Variants in NRG1 observed in about 807,000 individuals in gnomAD.
The protein encoded by NRG1 is pro-neuregulin-1, membrane-bound isoform.
NRG1 carries 18 observed loss-of-function variants against 63.8 expected under a neutral mutation model. The ratio of observed to expected loss-of-function variants is 0.28; its 90% CI spans 0.19 to 0.42. NRG1 has a LOEUF of 0.42. Among genes scored for constraint, NRG1 ranks in the 10% least tolerant of loss-of-function variants. NRG1 has a pLI of 1.00. For missense variants in NRG1, 762 were observed against 814.7 expected (o/e 0.94, Z 0.79); for synonymous variants, 302 against 301.3 (o/e 1.00, Z -0.02).
At chr8:32,540,861 C>A (rs756290271) in intron 1 of NRG1, among the ~76,000 whole-genome samples, 1 of 151,962 alleles carries the variant, frequency 6.6e-6, no homozygotes, top group Non-Finnish European at 1.5e-5. Flanking sequence ...GCAGGAAAAA[C>A]AACATTTTCC....
chr8:31,669,133 G>A lies in NRG1; in HGVS notation c.37+29702G>A, dbSNP rs546261232. 1.1e-4 allele frequency among the ~76,000 whole-genome samples: 17 copies of A among 152,144 alleles called. No individual in the cohort carries two copies. The South Asian group carries it at 1.5e-3, about 13-fold the overall frequency. On this transcript the variant is annotated intron_variant, in intron 1 of 10. Coordinates refer to the NRG1 transcript ENST00000519301. ...TGTAGTGGTGCGGTCATGGCTCACT[G>A]CAGACTTGACCTTCTGGGCACAAGC... is the stretch of plus-strand genomic sequence containing the variant.
At chr8:32,096,064 C>T (rs1054697751) in intron 1 of NRG1, among the ~76,000 whole-genome samples, 2 of 152,230 alleles carry the variant, frequency 1.3e-5, no homozygotes, top group Admixed American at 6.5e-5. Context: ...AGCACAAATG[C>T]TCAGGTGTGA....
chr8:32,726,751 AAAGT>A (rs1822295404), intron 5 of NRG1, among the ~76,000 whole-genome samples: 1 of 151,992 alleles, frequency 6.6e-6, no homozygotes, highest in Non-Finnish European at 1.5e-5. Context: ...AGAAAATGGA[AAAGT>A]AATACATGGC....
intron 1 of NRG1, among the ~76,000 whole-genome samples, chr8:32,125,933 G>A (rs1834017717): frequency 1.3e-5 from 2 of 151,956 alleles, no homozygotes; most frequent in South Asian, 4.1e-4. Context: ...CAGTTTGCAT[G>A]TGGAGTTCAC....
intron 1 of NRG1, among the ~76,000 whole-genome samples, chr8:32,250,487 A>G (rs1848989265): frequency 6.6e-6 from 1 of 152,166 alleles, no homozygotes; most frequent in Non-Finnish European, 1.5e-5. Context: ...TGATTTTCAT[A>G]ACACAAAACT....
At chr8:31,947,306 C>CAAAAAAAAAAAAAAAAAAAA (rs61713691) in intron 1 of NRG1, among the ~76,000 whole-genome samples, 2 of 132,672 alleles carry the variant, frequency 1.5e-5, no homozygotes, top group African/African-American at 6.4e-5. Context: ...GACTCCGTCT[C>CAAAAAAAAAAAAAAAAAAAA]AAAAAAAAAA....
intron 1 of NRG1, among the ~76,000 whole-genome samples, chr8:32,178,151 C>G (rs1841007442): frequency 6.6e-6 from 1 of 151,894 alleles, no homozygotes; most frequent in African/African-American, 2.4e-5. Flanking sequence ...TCAGCAGGGT[C>G]AAAATAAATT....
chr8:32,075,145 G>C (rs1049805683), intron 1 of NRG1, among the ~76,000 whole-genome samples: 6 of 152,236 alleles, frequency 3.9e-5, no homozygotes, highest in African/African-American at 1.4e-4. Context: ...GTAAATGTTA[G>C]TCCTTGAATG....
chr8:32,424,831 G>T (rs902385998), intron 1 of NRG1, among the ~76,000 whole-genome samples: 1 of 152,150 alleles, frequency 6.6e-6, no homozygotes, highest in Admixed American at 6.5e-5. Context: ...CTGCACTCCA[G>T]CCTGGGTGAG....
chr8:31,947,306 C>CAAAAAA (rs61713691), intron 1 of NRG1, among the ~76,000 whole-genome samples: 12 of 132,672 alleles, frequency 9.0e-5, no homozygotes, highest in African/African-American at 3.5e-4. Flanking sequence ...GACTCCGTCT[C>CAAAAAA]AAAAAAAAAA....
At chr8:32,561,088 C>T (rs1297672348) in intron 1 of NRG1, among the ~76,000 whole-genome samples, 1 of 152,072 alleles carries the variant, frequency 6.6e-6, no homozygotes, top group Admixed American at 6.5e-5. Context: ...TGAGGAAAAC[C>T]ACAAGGTACA....
At chr8:32,453,112 C>T (rs1160471097) in intron 1 of NRG1, among the ~76,000 whole-genome samples, 1 of 152,152 alleles carries the variant, frequency 6.6e-6, no homozygotes, top group Admixed American at 6.6e-5. Flanking sequence ...GAACCTGTAA[C>T]TCATTTAAAT....
At chr8:32,162,524 A>C (rs1838949659) in intron 1 of NRG1, among the ~76,000 whole-genome samples, 1 of 152,140 alleles carries the variant, frequency 6.6e-6, no homozygotes, top group Non-Finnish European at 1.5e-5. Context: ...CTAAGAACAA[A>C]ATTACTCCAT....
intron 1 of NRG1, among the ~76,000 whole-genome samples, chr8:32,212,415 C>T (rs1844791198): frequency 1.3e-5 from 2 of 152,046 alleles, no homozygotes; most frequent in African/African-American, 2.4e-5. Context: ...CTGTGCTATT[C>T]AGTGTGATAG....
chr8:31,896,881 G>A (rs1011626665), intron 1 of NRG1, among the ~76,000 whole-genome samples: 2 of 152,000 alleles, frequency 1.3e-5, no homozygotes, highest in Non-Finnish European at 2.9e-5. Context: ...TGTCTTCTTT[G>A]CTTAACTGTC....
chr8:32,505,496 C>A (rs2129497987), intron 1 of NRG1, among the ~76,000 whole-genome samples: 1 of 152,290 alleles, frequency 6.6e-6, no homozygotes, highest in Non-Finnish European at 1.5e-5. Flanking sequence ...ACCAGTAAGA[C>A]TTTTATGACT....
intron 1 of NRG1, among the ~76,000 whole-genome samples, chr8:32,008,444 G>A (rs1362171545): frequency 6.6e-6 from 1 of 151,944 alleles, no homozygotes; most frequent in African/African-American, 2.4e-5. Context: ...AAATTGCTTT[G>A]CTTGGAAATC....
intron 1 of NRG1, among the ~76,000 whole-genome samples, chr8:31,761,119 G>T (rs1193721903): frequency 6.6e-6 from 1 of 152,160 alleles, no homozygotes; most frequent in Non-Finnish European, 1.5e-5. Flanking sequence ...ATACTATGCA[G>T]CCATAAAAAA....
chr8:32,592,486 C>T (rs2129536546), intron 1 of NRG1, among the ~76,000 whole-genome samples: 1 of 152,164 alleles, frequency 6.6e-6, no homozygotes, highest in African/African-American at 2.4e-5. Context: ...TTAAAGCCTA[C>T]TTCAGTTGTT....
Sources: gnomAD v4.1 joint callset for allele counts (sites outside exome capture counted in the v4.1 genomes callset) on GRCh38, gnomAD v4.1.1 for gene constraint, MANE v1.5 for transcripts, NCBI Gene and HGNC (gene_info 2026-07-23, HGNC 2026-07-21) for gene names.